The following FGD6 variants were observed in gnomAD, a reference collection of about 807,000 sequenced individuals.
FGD6 encodes FYVE, RhoGEF and PH domain containing 6.
Under a neutral mutation model 149.4 loss-of-function variants are expected in FGD6, and 90 were observed. That is an observed-to-expected ratio of 0.60 (90% CI 0.51 to 0.72). FGD6 has a LOEUF of 0.72. Ranked by LOEUF, FGD6 falls within the 30% of genes least tolerant of loss-of-function variation. FGD6 has a pLI of 0.00. For missense variants in FGD6, 1,437 were observed against 1,684.8 expected (o/e 0.85, Z 2.57); for synonymous variants, 527 against 584.0 (o/e 0.90, Z 1.41).
At chr12:95,087,298 C>A (rs1168107822) in intron 18 of FGD6, among the ~76,000 whole-genome samples, 6 of 152,160 alleles carry the variant, frequency 3.9e-5, no homozygotes, top group African/African-American at 1.2e-4. Flanking sequence ...TTCTCCTCCC[C>A]CTGAGTGTGG....
intron 14 of FGD6, among the ~76,000 whole-genome samples, chr12:95,095,677 A>T (rs189784008): frequency 6.6e-6 from 1 of 152,290 alleles, no homozygotes; most frequent in African/African-American, 2.4e-5. Flanking sequence ...GTGTTAAAAA[A>T]AAAAGTCTGT....
intron 1 of FGD6, among the ~76,000 whole-genome samples, chr12:95,215,796 T>C (rs144566052): frequency 6.6e-6 from 1 of 152,352 alleles, no homozygotes; most frequent in East Asian, 1.9e-4. Flanking sequence ...CTGTTCCTTA[T>C]AAACTGTTAA....
intron 13 of FGD6, among the ~76,000 whole-genome samples, chr12:95,105,739 AC>A (rs1878591548): frequency 6.6e-6 from 1 of 152,202 alleles, no homozygotes; most frequent in African/African-American, 2.4e-5. Flanking sequence ...AAATGCATAA[AC>A]AGGCAGGGCG....
Position 95,078,643 on chromosome 12 carries a change from A to G in FGD6, c.*2877T>C, listed in dbSNP as rs1877572110. The G allele has an allele frequency of 1.3e-5, 2 of 152,248 alleles. No homozygotes were observed. The highest frequency in any genetic ancestry group is 6.5e-5 in the Admixed American group (1 of 15,286). 9.4% of individuals were successfully genotyped at this position (152,248 alleles called of 1,614,324 possible). ...ACAATAGGGGGATGCTGGGTACATT[A>G]CAGAAAAAGGGAAAAGAGATTGGAA... is the stretch of plus-strand genomic sequence containing the variant. On this transcript the variant is annotated 3_prime_UTR_variant, in exon 21 of 21. Transcript: ENST00000343958.
chr12:95,132,325 T>A (rs1237479317), intron 8 of FGD6, among the ~76,000 whole-genome samples: 1 of 152,180 alleles, frequency 6.6e-6, no homozygotes, highest in African/African-American at 2.4e-5. Flanking sequence ...AAAATCTATT[T>A]TAGTAAAGAG....
At chr12:95,173,402 A>G (rs893405767) in intron 2 of FGD6, among the ~76,000 whole-genome samples, 3 of 152,214 alleles carry the variant, frequency 2.0e-5, no homozygotes, top group Non-Finnish European at 4.4e-5. Flanking sequence ...AGGGCCTAGC[A>G]AATAATAAGT....
At chr12:95,084,172 TAGA>T (rs1877784557) in intron 20 of FGD6, among the ~76,000 whole-genome samples, 1 of 152,206 alleles carries the variant, frequency 6.6e-6, no homozygotes, top group African/African-American at 2.4e-5. Context: ...CTTACCCTCA[TAGA>T]AGGAGAGGTC....
At chr12:95,158,226 G>A (rs1880533982) in intron 3 of FGD6, among the ~76,000 whole-genome samples, 1 of 148,910 alleles carries the variant, frequency 6.7e-6, no homozygotes. Context: ...GGAGTGCAGT[G>A]GCGTGATCTT....
chr12:95,118,070 G>A (rs1264037845), intron 8 of FGD6, among the ~76,000 whole-genome samples: 2 of 151,698 alleles, frequency 1.3e-5, no homozygotes, highest in Admixed American at 6.6e-5. Flanking sequence ...AATTCCCACG[G>A]CCAGGCATAA....
At chr12:95,112,668 C>T (rs186826658) in intron 9 of FGD6, among the ~76,000 whole-genome samples, 1 of 151,968 alleles carries the variant, frequency 6.6e-6, no homozygotes, top group Admixed American at 6.6e-5. Flanking sequence ...ACAGAAACAC[C>T]CAAACAGAAT....
At chr12:95,090,891 G>T (rs1479308985) in intron 17 of FGD6, among the ~76,000 whole-genome samples, 1 of 151,972 alleles carries the variant, frequency 6.6e-6, no homozygotes, top group Non-Finnish European at 1.5e-5. Context: ...TGAGGTCAGG[G>T]GTTCGAGACC....
At chr12:95,125,024 C>CA (rs539400329) in intron 8 of FGD6, among the ~76,000 whole-genome samples, 4 of 151,266 alleles carry the variant, frequency 2.6e-5, no homozygotes, top group African/African-American at 4.9e-5. Flanking sequence ...TGTGGTATAG[C>CA]AAAAAAAAAT....
At chr12:95,081,753 C>T (rs1048489338) in intron 20 of FGD6, among the ~76,000 whole-genome samples, 197 bp from the exon 21 acceptor site, 5 of 148,414 alleles carry the variant, frequency 3.4e-5, no homozygotes, top group African/African-American at 9.9e-5. Context: ...AGTGCTATCT[C>T]GGCTCACCAC....
intron 8 of FGD6, among the ~76,000 whole-genome samples, chr12:95,130,003 T>C (rs1298654190): frequency 6.6e-6 from 1 of 152,136 alleles, no homozygotes; most frequent in African/African-American, 2.4e-5. Context: ...GCTTAAATTA[T>C]ATAAATCACT....
At chr12:95,101,743 T>G (rs1433099318) in intron 14 of FGD6, among the ~76,000 whole-genome samples, 1 of 136,780 alleles carries the variant, frequency 7.3e-6, no homozygotes, top group East Asian at 2.2e-4. Context: ...AGTGCAGTGG[T>G]GCGATCTCGG....
intron 1 of FGD6, among the ~76,000 whole-genome samples, chr12:95,214,709 T>A (rs564803593): frequency 1.3e-5 from 2 of 152,260 alleles, no homozygotes; most frequent in Admixed American, 1.3e-4. Context: ...TCGTCATCTG[T>A]TACACACAGA....
At chr12:95,138,133 G>A (rs573236712) in intron 6 of FGD6, among the ~76,000 whole-genome samples, 74 of 152,106 alleles carry the variant, frequency 4.9e-4, no homozygotes, top group African/African-American at 1.8e-3. Context: ...GAACCCGGGA[G>A]GGGGAGGTTG....
At chr12:95,153,119 A>C in intron 3 of FGD6, 126 bp from the exon 4 acceptor site, 1 of 742,204 alleles carries the variant, frequency 1.3e-6, no homozygotes, top group Admixed American at 2.6e-5. Flanking sequence ...TTCATACCAT[A>C]TAACATTTCA....
chr12:95,217,412 CGACCCTGCGGCGCTCCCGGGCGCGAGCCG>C lies in FGD6; in HGVS notation c.-201_-173del. 1 of 1,094,500 alleles carries C rather than the reference CGACCCTGCGGCGCTCCCGGGCGCGAGCCG, an allele frequency of 9.1e-7. No homozygotes were observed. The highest frequency in any genetic ancestry group is 1.2e-6 in the Non-Finnish European group (1 of 815,730). 67.8% of individuals were successfully genotyped at this position (1,094,500 alleles called of 1,614,324 possible). ...ACACAAAGGACGCGGCCGACTCTAG[CGACCCTGCGGCGCTCCCGGGCGCGAGCCG>C]CCGGGGTCGGGCGGGCGAGCACTAG... On this transcript the variant is annotated 5_prime_UTR_variant, in exon 1 of 21. Coordinates refer to ENST00000343958, the MANE Select transcript of FGD6 (RefSeq NM_018351.4).
Sources: gnomAD v4.1 joint callset for allele counts (sites outside exome capture counted in the v4.1 genomes callset) on GRCh38, gnomAD v4.1.1 for gene constraint, MANE v1.5 for transcripts, NCBI Gene and HGNC (gene_info 2026-07-23, HGNC 2026-07-21) for gene names.